Variants in VAC14 observed in about 807,000 individuals in gnomAD.
VAC14 encodes VAC14 component of PIKFYVE complex, also known as protein VAC14 homolog.
VAC14 carries 47 observed loss-of-function variants against 85.3 expected under a neutral mutation model. That is an observed-to-expected ratio of 0.55 (90% CI 0.44 to 0.70). The LOEUF is 0.70. VAC14 is among the 30% of genes least tolerant of loss of function. VAC14 has a pLI of 0.00. For missense variants in VAC14, 861 were observed against 1,004.3 expected, an observed-to-expected ratio of 0.86 and a Z score of 1.93; for synonymous variants, 447 against 430.5, an observed-to-expected ratio of 1.04 and a Z score of -0.47.
At chr16:70,704,108 A>T (rs1167461759) in intron 14 of VAC14, among the ~76,000 whole-genome samples, 1 of 152,074 alleles carries the variant, frequency 6.6e-6, no homozygotes. Context: ...TCTGTGGGAG[A>T]TGCTCTCCCA....
intron 14 of VAC14, among the ~76,000 whole-genome samples, chr16:70,729,506 C>T (rs1351873463): frequency 6.6e-6 from 1 of 152,120 alleles, no homozygotes; most frequent in Admixed American, 6.5e-5. Context: ...GTACGCTCCA[C>T]TCCCTCAACT....
intron 7 of VAC14, 62 bp from the exon 8 acceptor site, chr16:70,782,065 T>G: frequency 6.3e-7 from 1 of 1,586,920 alleles, no homozygotes; most frequent in Non-Finnish European, 8.6e-7. Flanking sequence ...CTCCCTCCCA[T>G]TGACCATACA....
intron 8 of VAC14, 142 bp from the exon 9 acceptor site, chr16:70,781,081 T>C: frequency 2.6e-6 from 3 of 1,155,064 alleles, no homozygotes; most frequent in East Asian, 2.6e-5. Context: ...CACAAATGGC[T>C]TGGTGCCCTC....
intron 14 of VAC14, among the ~76,000 whole-genome samples, chr16:70,722,518 C>A (rs2054319799): frequency 6.6e-6 from 1 of 152,204 alleles, no homozygotes; most frequent in East Asian, 1.9e-4. Context: ...TGCTAAATCG[C>A]AGGCGGAGAG....
In VAC14 at chr16:70,762,755, C is replaced by T; in HGVS notation, c.1305+126G>A. ...AATGAGGGCTCCTCGCAGCACCTGT[C>T]ACTTCTCTGCCGGCCAGGGTTTCCC... is the stretch of plus-strand genomic sequence containing the variant. On this transcript the variant is annotated intron_variant, in intron 11 of 18. Transcript: ENST00000261776. This position sits in a 1 kb window ranked among gnomAD's most constrained non-coding sequence, Gnocchi z 4.1. 2 of 1,523,868 alleles carry T rather than the reference C, an allele frequency of 1.3e-6. No homozygotes were observed. The highest frequency in any genetic ancestry group is 1.8e-6 in the Non-Finnish European group (2 of 1,117,996). 94.4% of individuals were successfully genotyped at this position (1,523,868 alleles called of 1,614,324 possible). A position where few individuals can be genotyped will look rare whatever the true frequency, so the allele number is the denominator to read the frequency against.
intron 18 of VAC14, chr16:70,691,463 C>T (rs2053594105): frequency 1.0e-6 from 1 of 985,322 alleles, no homozygotes; most frequent in Admixed American, 6.1e-5. Flanking sequence ...GGCTTCTAGG[C>T]CTCTCTCGGA....
At chr16:70,694,098 C>T (rs1434791736) in intron 17 of VAC14, among the ~76,000 whole-genome samples, 4 of 152,228 alleles carry the variant, frequency 2.6e-5, no homozygotes, top group Non-Finnish European at 4.4e-5. Context: ...AGGATCCAGG[C>T]GACTCAGGGC....
At chr16:70,784,309 G>T in intron 4 of VAC14, 89 bp from the exon 5 acceptor site, 1 of 1,040,488 alleles carries the variant, frequency 9.6e-7, no homozygotes, top group Non-Finnish European at 1.5e-6. Context: ...TGGCTCCAGC[G>T]CTCAGGCGGC....
chr16:70,691,747 C>T (rs2053599876), intron 18 of VAC14: 2 of 985,308 alleles, frequency 2.0e-6, no homozygotes, highest in South Asian at 4.7e-5. Flanking sequence ...TGGCCTGGGG[C>T]AGAGAGCCTA....
At position 70,691,479 on chromosome 16, in the gene VAC14, T is replaced by G. The variant is rs1270540177; in HGVS notation, c.2186+1342A>C. ...GCTTCTAGGCCTCTCTCGGAGTCTCTCGGGAGCTGACAGCACTCCGGCCCC... is the reference window on the plus strand; with the variant it reads ...GCTTCTAGGCCTCTCTCGGAGTCTCGCGGGAGCTGACAGCACTCCGGCCCC... On this transcript the variant is annotated intron_variant, in intron 18 of 18. Transcript: ENST00000261776. The G allele has an allele frequency of 4.1e-6, 4 of 985,282 alleles. No individual in the cohort carries two copies. In the Admixed American group the frequency reaches 2.5e-4, roughly 61 times the overall value. 61.0% of individuals were successfully genotyped at this position (985,282 alleles called of 1,614,324 possible). A position where few individuals can be genotyped will look rare whatever the true frequency, so the allele number is the denominator to read the frequency against.
chr16:70,688,006 C>T lies in VAC14; in HGVS notation c.2271G>A (p.Lys757=). The T allele has an allele frequency of 6.2e-7, 1 of 1,606,926 alleles. No homozygotes were observed. The highest frequency in any genetic ancestry group is 8.5e-7 in the Non-Finnish European group (1 of 1,175,920). The part of the protein sequence containing the change: ...DYAELLQHFE[K]VQNKHLEVRH... The stretch of plus-strand genomic sequence containing the variant: ...GCACTTCCAGGTGCTTGTTCTGGAC[C>T]TTCTCAAAGTGCTGCAGCAGCTCTG... Residue 757 remains lysine (K), a synonymous_variant, in exon 19 of 19, where the codon AAG becomes AAA. Coordinates refer to ENST00000261776, the MANE Select transcript of VAC14 (RefSeq NM_018052.5).
intron 14 of VAC14, among the ~76,000 whole-genome samples, chr16:70,702,114 C>A (rs1209910264): frequency 6.6e-6 from 1 of 152,256 alleles, no homozygotes; most frequent in South Asian, 2.1e-4. Flanking sequence ...CCCTCCACCC[C>A]CTCCGCCAGG....
At position 70,692,879 on chromosome 16, in the gene VAC14, A is replaced by G; in HGVS notation, c.2128T>C (p.Phe710Leu). 6.2e-7 allele frequency: 1 copy of G among 1,607,464 alleles called. No homozygotes were observed. Among genetic ancestry groups the G allele is most frequent in the Non-Finnish European group, 8.5e-7 (1 of 1,178,208 alleles). Reference sequence around the variant, plus strand: ...TGGAGCCGGTGCGAGAGCAGCTGGAAGGCGCTGCTCTGCGGCAGGAGCATG... The same window carrying G: ...TGGAGCCGGTGCGAGAGCAGCTGGAGGGCGCTGCTCTGCGGCAGGAGCATG... ...LLMLLPQSSAFQLLSHRLQCV... is the reference protein window; with the variant it reads ...LLMLLPQSSALQLLSHRLQCV... Residue 710 changes from phenylalanine to leucine, a missense_variant, in exon 18 of 19, where the codon TTC (phenylalanine) becomes CTC (leucine). Around this residue, in one of 3 missense-constraint regions of VAC14, gnomAD observed 163 missense variants for 162.2 expected, o/e 1.00. Transcript: ENST00000261776.
chr16:70,777,534 C>T (rs1341442048), intron 9 of VAC14, among the ~76,000 whole-genome samples: 2 of 152,148 alleles, frequency 1.3e-5, no homozygotes, highest in Non-Finnish European at 2.9e-5. Flanking sequence ...GGGGACCAGG[C>T]TGGACACGCA....
chr16:70,761,684 C>T (rs1433828173), intron 12 of VAC14, among the ~76,000 whole-genome samples: 1 of 152,202 alleles, frequency 6.6e-6, no homozygotes, highest in Non-Finnish European at 1.5e-5. Flanking sequence ...TACTCCAGCT[C>T]TCTCAGAGGG....
At chr16:70,693,096 G>A in intron 17 of VAC14, 125 bp from the exon 18 acceptor site, 1 of 1,322,054 alleles carries the variant, frequency 7.6e-7, no homozygotes, top group Non-Finnish European at 1.0e-6. Flanking sequence ...CACAGCCCAA[G>A]GACCCAGCTG....
chr16:70,725,881 C>T (rs368451912), intron 14 of VAC14, among the ~76,000 whole-genome samples: 5 of 152,356 alleles, frequency 3.3e-5, no homozygotes, highest in East Asian at 1.9e-4. Flanking sequence ...CAGGCCCTGG[C>T]ATTCACCGCA....
intron 10 of VAC14, among the ~76,000 whole-genome samples, chr16:70,765,945 A>T (rs758138163): frequency 5.9e-5 from 9 of 152,142 alleles, no homozygotes; most frequent in Non-Finnish European, 1.2e-4. Flanking sequence ...CAGCTTGGGC[A>T]ACACAGCAAG....
intron 2 of VAC14, 104 bp from the exon 3 acceptor site, chr16:70,785,973 C>T (rs1368013453): frequency 1.2e-5 from 17 of 1,400,074 alleles, no homozygotes; most frequent in Non-Finnish European, 1.6e-5. Flanking sequence ...GGTGCTCAGG[C>T]CTTTGTGTGA....
Sources: allele counts gnomAD v4.1 joint callset (sites outside exome capture counted in the v4.1 genomes callset), GRCh38; gene constraint gnomAD v4.1.1; regional missense constraint gnomAD v4.1.1; non-coding constraint Gnocchi (gnomAD v3.1); transcripts MANE v1.5; gene names NCBI Gene and HGNC (gene_info 2026-07-23, HGNC 2026-07-21).